Variants in CASC3 observed in about 807,000 individuals in gnomAD.
CASC3 encodes protein CASC3.
Under a neutral mutation model 80.5 loss-of-function variants are expected in CASC3, and 30 were observed. The observed-to-expected ratio is 0.37, with a 90% confidence interval of 0.28 to 0.51. The LOEUF (loss-of-function observed/expected upper bound fraction) is 0.51, where lower values mean the gene tolerates loss of function less well. Among genes scored for constraint, CASC3 ranks in the 20% least tolerant of loss-of-function variants. CASC3 has a pLI of 0.94. For missense variants in CASC3, 824 were observed against 922.2 expected (o/e 0.89, Z 1.38); for synonymous variants, 312 against 333.6 (o/e 0.94, Z 0.70).
Position 40,169,347 on chromosome 17 carries a change from A to C in CASC3, c.1989A>C (p.Gly663=), listed in dbSNP as rs768146398. 4 of 1,611,360 alleles carry C rather than the reference A, an allele frequency of 2.5e-6. No homozygotes were observed. The highest frequency in any genetic ancestry group is 2.5e-6 in the Non-Finnish European group (3 of 1,179,118). The change falls in exon 12 of 14, where the codon GGA becomes GGC. Residue 663 remains glycine, a synonymous_variant. Transcript: ENST00000264645. ...AGGCCCCATCACAGGTATATGGAGG[A>C]GTGACCTACTATAACCCCGCCCAGC... is the stretch of plus-strand genomic sequence containing the variant. ...NTQAPSQVYG[G]VTYYNPAQQQ...
chr17:40,152,839 C>A (rs1370518647), intron 3 of CASC3, among the ~76,000 whole-genome samples: 2 of 152,076 alleles, frequency 1.3e-5, no homozygotes, highest in Admixed American at 6.5e-5. Flanking sequence ...TGCAGTGTTA[C>A]AATCTCGGCT....
rs149983034 is a variant in CASC3, at chr17:40,150,287, C to G, written c.297+8680C>G. On this transcript the variant is annotated intron_variant, in intron 3 of 13. Coordinates refer to ENST00000264645, the MANE Select transcript of CASC3 (RefSeq NM_007359.5). ...CTTGGGAGCTTGGAGTGGGAGGATCCCTTGAGCCCAGGAGGTCGAGGCCAC... is the reference window on the plus strand; with the variant it reads ...CTTGGGAGCTTGGAGTGGGAGGATCGCTTGAGCCCAGGAGGTCGAGGCCAC... Among the ~76,000 whole-genome samples, 359 of 152,042 alleles carry G rather than the reference C, an allele frequency of 2.4e-3. 3 individuals are homozygous for G. The highest frequency in any genetic ancestry group is 8.3e-3 in the African/African-American group (345 of 41,458).
At chr17:40,142,608 G>T (rs1988747107) in intron 3 of CASC3, among the ~76,000 whole-genome samples, 1 of 152,190 alleles carries the variant, frequency 6.6e-6, no homozygotes, top group Admixed American at 6.5e-5. Flanking sequence ...TCCATCTCTG[G>T]CCCGGCGCGG....
At chr17:40,149,279 C>T (rs1480523317) in intron 3 of CASC3, among the ~76,000 whole-genome samples, 1 of 150,576 alleles carries the variant, frequency 6.6e-6, no homozygotes, top group African/African-American at 2.4e-5. Flanking sequence ...GAGAGTCTTC[C>T]AAGAATTCTT....
chr17:40,170,399 G>A lies in CASC3; in HGVS notation c.*42-48G>A, dbSNP rs538359686. 44 of 984,460 alleles carry A rather than the reference G, an allele frequency of 4.5e-5. No homozygotes were observed. In the African/African-American group the frequency reaches 5.2e-4, roughly 12 times the overall value. The allele number at this position is 984,460 out of a possible 1,614,324, so 61.0% of individuals were successfully genotyped here. A position where few individuals can be genotyped will look rare whatever the true frequency, so the allele number is the denominator to read the frequency against. ...GAAAACAGCTTGTGAATGCCCAGAA[G>A]GCCCACTAACACTTTGGTGGTTCTT... On this transcript the variant is annotated intron_variant, in intron 13 of 13. Coordinates refer to ENST00000264645, the MANE Select transcript of CASC3 (RefSeq NM_007359.5).
intron 3 of CASC3, among the ~76,000 whole-genome samples, chr17:40,142,274 A>C (rs1988737558): frequency 6.6e-6 from 1 of 152,224 alleles, no homozygotes; most frequent in African/African-American, 2.4e-5. Flanking sequence ...CTATAACAAA[A>C]TTCCTATCTT....
chr17:40,166,989 C>T (rs201070713), intron 8 of CASC3, 128 bp downstream of exon 8: 66 of 668,968 alleles, frequency 9.9e-5, no homozygotes, highest in Middle Eastern at 8.1e-4. Context: ...GACAGAGTCT[C>T]GCTCTGTTGC....
In CASC3 at chr17:40,163,776, G is replaced by T. The variant is rs374144661; in HGVS notation, c.1081G>T (p.Asp361Tyr). The change falls in exon 7 of 14, where the codon GAT becomes TAT. Residue 361 changes from aspartate (D) to tyrosine (Y), a missense_variant. This residue lies in a region of CASC3 where 464 missense variants were observed against 506.0 expected (regional missense o/e 0.92). Coordinates refer to ENST00000264645, the MANE Select transcript of CASC3 (RefSeq NM_007359.5). ...GCGCCTAGAGCAGACTTCTGTGAGG[G>T]ATCCATCTCCAGAAGCAGATGCTCC... is the stretch of plus-strand genomic sequence containing the variant. Reference protein sequence around the residue: ...SRRLEQTSVRDPSPEADAPVL... With the variant: ...SRRLEQTSVRYPSPEADAPVL... 6.2e-7 allele frequency: 1 copy of T among 1,614,028 alleles called. No homozygotes were observed. Among genetic ancestry groups the T allele is most frequent in the African/African-American group, 1.3e-5 (1 of 74,914 alleles).
rs1989579839 is a variant in CASC3, at chr17:40,170,988, A to G, written c.*583A>G. ...ATGTATCAGCCAGCCTTCCCCACCA[A>G]GTCTAAAAAGACCTGGCCTTTCACT... On this transcript the variant is annotated 3_prime_UTR_variant, in exon 14 of 14. Coordinates refer to ENST00000264645, the MANE Select transcript of CASC3 (RefSeq NM_007359.5). The G allele has an allele frequency of 6.1e-6, 6 of 985,308 alleles. No homozygotes were observed. The highest frequency in any genetic ancestry group is 7.2e-6 in the Non-Finnish European group (6 of 829,860). 61.0% of individuals were successfully genotyped at this position (985,308 alleles called of 1,614,324 possible). A position where few individuals can be genotyped will look rare whatever the true frequency, so the allele number is the denominator to read the frequency against.
At position 40,171,128 on chromosome 17, in the gene CASC3, G is replaced by A; in HGVS notation, c.*723G>A. On this transcript the variant is annotated 3_prime_UTR_variant, in exon 14 of 14. Coordinates refer to ENST00000264645, the MANE Select transcript of CASC3 (RefSeq NM_007359.5). ...TGTGCAGAAAAGCTCAGAGTAGGTG[G>A]GTAGGAGCCCTTCTCTTTGACTTAG... The A allele has an allele frequency of 1.0e-6, 1 of 985,952 alleles. No homozygotes were observed. The highest frequency in any genetic ancestry group is 1.2e-6 in the Non-Finnish European group (1 of 829,994). The allele number at this position is 985,952 out of a possible 1,614,324, so 61.1% of individuals were successfully genotyped here.
chr17:40,169,729 CACTT>C lies in CASC3; in HGVS notation c.*41+69_*41+72del, dbSNP rs930871727. The C allele has an allele frequency of 1.8e-4, 48 of 261,002 alleles. No individual in the cohort carries two copies. In the East Asian group the frequency reaches 4.2e-3, roughly 23 times the overall value. 16.2% of individuals were successfully genotyped at this position (261,002 alleles called of 1,614,324 possible). ...TCACACTTGCTTAATAAACAAAAAT[CACTT>C]AATTAATGCTTTTTTTTTTTTTTTT... On this transcript the variant is annotated intron_variant, in intron 13 of 13. Coordinates refer to ENST00000264645, the MANE Select transcript of CASC3 (RefSeq NM_007359.5).
At position 40,164,125 on chromosome 17, in the gene CASC3, G is replaced by A. The variant is rs1989382984; in HGVS notation, c.1430G>A (p.Ser477Asn). ...CTAAATATAGCAGAACAGAATTGGA[G>A]TCCGGGGCAGCCTTCTTTCCTGCAA... ...AQLNIAEQNW[S>N]PGQPSFLQPR... The change falls in exon 7 of 14, where the codon AGT becomes AAT. Residue 477 changes from serine (S) to asparagine (N), a missense_variant. Physicochemically the swap from Ser to Asn is conservative, Grantham distance 46 (BLOSUM62 1). Transcript: ENST00000264645. The A allele has an allele frequency of 2.5e-6, 4 of 1,611,538 alleles. No individual in the cohort carries two copies. The East Asian group carries it at 8.9e-5, about 36-fold the overall frequency.
chr17:40,141,855 G>A (rs1019070328), intron 3 of CASC3, among the ~76,000 whole-genome samples: 1 of 152,142 alleles, frequency 6.6e-6, no homozygotes, highest in Admixed American at 6.5e-5. Context: ...AGAATATGAG[G>A]TTCTAAATAA....
At chr17:40,144,320 A>G (rs1423637676) in intron 3 of CASC3, among the ~76,000 whole-genome samples, 2 of 151,988 alleles carry the variant, frequency 1.3e-5, no homozygotes, top group African/African-American at 4.8e-5. Flanking sequence ...CTGTGTACTC[A>G]ACAAAAATTA....
intron 3 of CASC3, among the ~76,000 whole-genome samples, chr17:40,146,930 A>G (rs1196021490): frequency 6.6e-6 from 1 of 152,126 alleles, no homozygotes; most frequent in Non-Finnish European, 1.5e-5. Context: ...TCATACCACC[A>G]TAAAGTCAAA....
At chr17:40,168,092 T>TC in intron 10 of CASC3, 111 bp from the exon 11 acceptor site, 1 of 1,268,888 alleles carries the variant, frequency 7.9e-7, no homozygotes, top group Non-Finnish European at 1.1e-6. Flanking sequence ...TCCTCTTGTG[T>TC]CCATCCTGAG....
intron 3 of CASC3, among the ~76,000 whole-genome samples, chr17:40,153,601 T>A (rs2145164230): frequency 6.6e-6 from 1 of 152,270 alleles, no homozygotes; most frequent in South Asian, 2.1e-4. Context: ...TGCTGCACCA[T>A]TTTACGTGAC....
At position 40,153,677 on chromosome 17, in the gene CASC3, C is replaced by G. The variant is rs544033455; in HGVS notation, c.298-8076C>G. 2.0e-5 allele frequency among the ~76,000 whole-genome samples: 3 copies of G among 152,234 alleles called. No homozygotes were observed. The South Asian group carries it at 6.2e-4, about 32-fold the overall frequency. ...AACAGCACTTGTTGTGTTATTTACC[C>G]AGGTGCATGCCTGTACTCTCAGCTA... On this transcript the variant is annotated intron_variant, in intron 3 of 13. Coordinates refer to ENST00000264645, the MANE Select transcript of CASC3 (RefSeq NM_007359.5).
Position 40,141,552 on chromosome 17 carries a change from A to T in CASC3, c.260-18A>T. ...TTTCTGGGTTTCTTTTTTTCCACAT[A>T]TTTCTGTTTTATTTCAGCTGTTCTC... On this transcript the variant is annotated intron_variant, in intron 2 of 13. Transcript: ENST00000264645. The T allele has an allele frequency of 1.2e-6, 2 of 1,611,490 alleles. No homozygotes were observed. The highest frequency in any genetic ancestry group is 1.7e-5 in the Admixed American group (1 of 59,664).
Sources: gnomAD v4.1 joint callset for allele counts (sites outside exome capture counted in the v4.1 genomes callset) on GRCh38, gnomAD v4.1.1 for gene constraint, gnomAD v4.1.1 regional missense constraint, MANE v1.5 for transcripts, NCBI Gene and HGNC (gene_info 2026-07-23, HGNC 2026-07-21) for gene names.